Variants in FDX1 observed in about 807,000 individuals in gnomAD.
FDX1 encodes ferredoxin 1.
FDX1 carries 9 observed loss-of-function variants against 14.9 expected under a neutral mutation model. The ratio of observed to expected loss-of-function variants is 0.60; its 90% CI spans 0.36 to 1.05. The LOEUF (loss-of-function observed/expected upper bound fraction) is 1.05, where lower values mean the gene tolerates loss of function less well. FDX1 is among the 50% of genes least tolerant of loss of function. The pLI is 0.01. For missense variants in FDX1, 204 were observed against 237.2 expected, an observed-to-expected ratio of 0.86 and a Z score of 0.92; for synonymous variants, 92 against 99.4, an observed-to-expected ratio of 0.93 and a Z score of 0.44.
intron 2 of FDX1, among the ~76,000 whole-genome samples, chr11:110,438,119 T>G (rs1364500819): frequency 3.3e-5 from 5 of 152,208 alleles, no homozygotes; most frequent in Non-Finnish European, 7.4e-5. Context: ...TTGGTAGAAT[T>G]ATTTGTTTTC....
rs1419467824 is a variant in FDX1 at position 110,444,705 on chromosome 11, CGTAT to C, written c.310+8748_310+8751del. On this transcript the variant is annotated intron_variant, in intron 2 of 3. Transcript: ENST00000260270. Reference sequence around the variant, plus strand: ...ATATACACGTATATATATATATATACGTATATATATATATATACGTATATATATA... The same window carrying C: ...ATATACACGTATATATATATATATACATATATATATATACGTATATATATA... Among the ~76,000 whole-genome samples, 37 of 36,656 alleles carry C rather than the reference CGTAT, an allele frequency of 1.0e-3. 4 individuals carry two copies. The highest frequency in any genetic ancestry group is 4.0e-3 in the African/African-American group (35 of 8,828). The allele number at this position is 36,656 out of a possible 152,430, so 24.0% of individuals were successfully genotyped here.
chr11:110,453,630 A>G (rs1946501154), intron 2 of FDX1, among the ~76,000 whole-genome samples: 1 of 151,620 alleles, frequency 6.6e-6, no homozygotes, highest in Admixed American at 6.6e-5. Context: ...TTTAATTTTT[A>G]ATAAACCGTA....
chr11:110,447,273 C>CAAAAAA (rs541827807), intron 2 of FDX1, among the ~76,000 whole-genome samples: 15 of 75,750 alleles, frequency 2.0e-4, no homozygotes, highest in East Asian at 3.3e-4. Flanking sequence ...ACTAAAAATA[C>CAAAAAA]AAAAAAAAAA....
intron 3 of FDX1, among the ~76,000 whole-genome samples, chr11:110,458,064 A>G (rs1340728972): frequency 3.3e-5 from 5 of 152,120 alleles, no homozygotes. Context: ...CTTCCCCTTA[A>G]CACAGAAACT....
intron 3 of FDX1, 76 bp downstream of exon 3, chr11:110,457,123 C>T (rs376976408): frequency 2.3e-6 from 3 of 1,317,290 alleles, no homozygotes; most frequent in Non-Finnish European, 1.1e-6. Flanking sequence ...CTATGTAAGA[C>T]CAGACCCATA....
rs1006806865 is a variant in FDX1, at chr11:110,442,717, T to C, written c.310+6759T>C. ...GGATGAGACTTTGGACTGTGGACTT[T>C]TGAATTAATGCTGAAAAGAGTTAAG... On this transcript the variant is annotated intron_variant, in intron 2 of 3. Coordinates refer to ENST00000260270, the MANE Select transcript of FDX1 (RefSeq NM_004109.5). Among the ~76,000 whole-genome samples the C allele has an allele frequency of 5.3e-5, 8 of 152,214 alleles. No homozygotes were observed. In the East Asian group the frequency reaches 1.3e-3, roughly 26 times the overall value.
intron 2 of FDX1, among the ~76,000 whole-genome samples, chr11:110,449,157 A>G (rs1156895280): frequency 6.6e-6 from 1 of 152,252 alleles, no homozygotes; most frequent in African/African-American, 2.4e-5. Flanking sequence ...AAGAAAGCCA[A>G]AAACCTGTCA....
chr11:110,450,218 A>G (rs1024072307), intron 2 of FDX1, among the ~76,000 whole-genome samples: 5 of 152,156 alleles, frequency 3.3e-5, no homozygotes, highest in African/African-American at 1.2e-4. Context: ...TGAAATAATT[A>G]TACAACTCAT....
chr11:110,463,966 A>T lies in FDX1; in HGVS notation c.*1498A>T, dbSNP rs45535532. On this transcript the variant is annotated 3_prime_UTR_variant, in exon 4 of 4. Coordinates refer to ENST00000260270, the MANE Select transcript of FDX1 (RefSeq NM_004109.5). ...CTTACTCTGTCACTCAGGCCAGAGTACAATAGTATGATCTCGGCTCACTGC... is the reference window on the plus strand; with the variant it reads ...CTTACTCTGTCACTCAGGCCAGAGTTCAATAGTATGATCTCGGCTCACTGC... The T allele has an allele frequency of 4.0e-5, 6 of 149,014 alleles. No individual in the cohort carries two copies. Among genetic ancestry groups the T allele is most frequent in the African/African-American group, 1.5e-4 (6 of 40,146 alleles). 9.2% of individuals were successfully genotyped at this position (149,014 alleles called of 1,614,324 possible).
intron 2 of FDX1, among the ~76,000 whole-genome samples, chr11:110,444,726 A>G (rs866815334): frequency 0.035 from 2,184 of 62,340 alleles, 269 homozygotes; most frequent in African/African-American, 0.11. Context: ...ATATATACGT[A>G]TATATATATA....
chr11:110,459,694 G>A (rs774320377), intron 3 of FDX1, among the ~76,000 whole-genome samples: 14 of 152,330 alleles, frequency 9.2e-5, no homozygotes, highest in Middle Eastern at 3.4e-3. Context: ...GTTTGCAGAA[G>A]TGTCAAAATG....
At chr11:110,444,685 C>CGTATATATATATATAT (rs1946430925) in intron 2 of FDX1, among the ~76,000 whole-genome samples, 6 of 36,724 alleles carry the variant, frequency 1.6e-4, no homozygotes, top group African/African-American at 6.5e-4. Flanking sequence ...TATATATATA[C>CGTATATATATATATAT]ACGTATATAT....
intron 2 of FDX1, among the ~76,000 whole-genome samples, chr11:110,443,293 T>G (rs1390658820): frequency 3.7e-5 from 5 of 134,672 alleles, no homozygotes; most frequent in African/African-American, 1.5e-4. Flanking sequence ...TTTTTTTCTG[T>G]AGGAAAATGT....
intron 2 of FDX1, among the ~76,000 whole-genome samples, chr11:110,443,882 T>C (rs1036027821): frequency 1.3e-5 from 2 of 152,150 alleles, no homozygotes; most frequent in Non-Finnish European, 2.9e-5. Context: ...GAGAAGTGTC[T>C]GTTCATGTCC....
At chr11:110,459,097 A>T (rs1337716449) in intron 3 of FDX1, among the ~76,000 whole-genome samples, 1 of 152,182 alleles carries the variant, frequency 6.6e-6, no homozygotes, top group Non-Finnish European at 1.5e-5. Context: ...TGCGGAATTA[A>T]TAGTTGATGG....
rs1180099483 is a variant in FDX1 at position 110,444,730 on chromosome 11, A to G, written c.310+8772A>G. ...CGTATATATATATATATACGTATATATATATATATATATACACGTATATAT... is the reference window on the plus strand; with the variant it reads ...CGTATATATATATATATACGTATATGTATATATATATATACACGTATATAT... On this transcript the variant is annotated intron_variant, in intron 2 of 3. Coordinates refer to ENST00000260270, the MANE Select transcript of FDX1 (RefSeq NM_004109.5). 9.1e-5 allele frequency among the ~76,000 whole-genome samples: 6 copies of G among 65,924 alleles called. No homozygotes were observed. The East Asian group carries it at 1.8e-3, about 19-fold the overall frequency. The allele number at this position is 65,924 out of a possible 152,430, so 43.2% of individuals were successfully genotyped here.
chr11:110,459,149 A>G (rs1002823641), intron 3 of FDX1, among the ~76,000 whole-genome samples: 1 of 152,160 alleles, frequency 6.6e-6, no homozygotes, highest in African/African-American at 2.4e-5. Flanking sequence ...ACATTGGATG[A>G]TTGTAATTGC....
intron 2 of FDX1, among the ~76,000 whole-genome samples, chr11:110,444,676 ATATATATACAC>A (rs1946429953): frequency 1.3e-5 from 1 of 79,436 alleles, no homozygotes; most frequent in African/African-American, 5.7e-5. Flanking sequence ...GTATATATAT[ATATATATACAC>A]GTATATATAT....
chr11:110,449,629 A>T (rs754478976), intron 2 of FDX1, among the ~76,000 whole-genome samples: 2 of 152,070 alleles, frequency 1.3e-5, no homozygotes, highest in African/African-American at 4.8e-5. Flanking sequence ...TTTAAAATTA[A>T]TTTTTTATAA....
Sources: gnomAD v4.1 joint callset for allele counts (sites outside exome capture counted in the v4.1 genomes callset) on GRCh38, gnomAD v4.1.1 for gene constraint, MANE v1.5 for transcripts, NCBI Gene and HGNC (gene_info 2026-07-23, HGNC 2026-07-21) for gene names.